The following TGM2 variants were observed in gnomAD, a reference collection of about 807,000 sequenced individuals.
TGM2 encodes transglutaminase 2.
A neutral mutation model predicts 75.6 loss-of-function variants in TGM2; 53 were observed. The ratio of observed to expected loss-of-function variants is 0.70; its 90% confidence interval spans 0.56 to 0.88. TGM2 has a LOEUF of 0.88. Ranked by LOEUF, TGM2 falls within the 40% of genes least tolerant of loss-of-function variation. The pLI, the probability that TGM2 is intolerant of heterozygous loss-of-function variation, is 0.00. For missense variants in TGM2, 842 were observed against 928.5 expected (o/e 0.91, Z 1.21); for synonymous variants, 374 against 381.1 (o/e 0.98, Z 0.22).
At chr20:38,143,564 G>C (rs2075004661) in intron 6 of TGM2, among the ~76,000 whole-genome samples, 1 of 152,216 alleles carries the variant, frequency 6.6e-6, no homozygotes, top group Non-Finnish European at 1.5e-5. Flanking sequence ...TCAGCTCAGA[G>C]AGGCGAGGAG....
At chr20:38,140,081 A>T (rs933558274) in intron 8 of TGM2, among the ~76,000 whole-genome samples, 3 of 152,276 alleles carry the variant, frequency 2.0e-5, no homozygotes, top group Non-Finnish European at 4.4e-5. Context: ...GCAACATGTT[A>T]GCAAGGAGGA....
At chr20:38,139,682 G>A (rs2074947361) in intron 8 of TGM2, 28 bp from the exon 9 acceptor site, 4 of 1,613,460 alleles carry the variant, frequency 2.5e-6, no homozygotes, top group African/African-American at 1.3e-5. Context: ...GGGAAGGGAT[G>A]GGCCTGGGTG....
intron 10 of TGM2, 42 bp downstream of exon 10, chr20:38,138,071 C>T: frequency 6.5e-7 from 1 of 1,546,884 alleles, no homozygotes; most frequent in Non-Finnish European, 8.7e-7. Context: ...AGCATGTTGT[C>T]AGTTGGCGGT....
chr20:38,157,931 T>C (rs2075207573), intron 2 of TGM2, among the ~76,000 whole-genome samples: 2 of 152,218 alleles, frequency 1.3e-5, no homozygotes, highest in Non-Finnish European at 2.9e-5. Flanking sequence ...GAGTGGAATG[T>C]AGAAATTGTC....
At chr20:38,143,757 C>T (rs576234288) in intron 6 of TGM2, among the ~76,000 whole-genome samples, 27 of 152,272 alleles carry the variant, frequency 1.8e-4, no homozygotes, top group Non-Finnish European at 2.6e-4. Flanking sequence ...CAAGATTAGG[C>T]GTAATAAGGT....
At chr20:38,165,855 A>C (rs188240244), upstream of TGM2, among the ~76,000 whole-genome samples, 6 of 152,168 alleles carry the variant, frequency 3.9e-5, no homozygotes, top group East Asian at 1.2e-3. Flanking sequence ...CATGGATACA[A>C]ATTCAGATTC....
Position 38,141,343 on chromosome 20 carries a change from G to T in TGM2, c.1038C>A (p.Asp346Glu), listed in dbSNP as rs796861892. The change falls in exon 8 of 13, where the codon GAC (aspartate) becomes GAA (glutamate). Residue 346 changes from aspartate (D) to glutamate (E), a missense_variant. Transcript: ENST00000361475. Reference protein sequence around the residue: ...CWVESWMTRPDLQPGYEGWQA... With the variant: ...CWVESWMTRPELQPGYEGWQA... Reference sequence around the variant, plus strand: ...GCCAGCCCTCGTACCCCGGCTGCAGGTCCGGCCTGGTCATCCACGACTCCA... The same window carrying T: ...GCCAGCCCTCGTACCCCGGCTGCAGTTCCGGCCTGGTCATCCACGACTCCA... 4 of 1,590,692 alleles carry T rather than the reference G, an allele frequency of 2.5e-6. No homozygotes were observed. The highest frequency in any genetic ancestry group is 2.6e-6 in the Non-Finnish European group (3 of 1,168,486).
At chr20:38,155,059 T>C (rs2075165881) in intron 3 of TGM2, among the ~76,000 whole-genome samples, 1 of 152,096 alleles carries the variant, frequency 6.6e-6, no homozygotes. Context: ...TGAGCTGAGA[T>C]TGTACCATTG....
At chr20:38,142,242 T>A in intron 6 of TGM2, 43 bp from the exon 7 acceptor site, 1 of 1,610,724 alleles carries the variant, frequency 6.2e-7, no homozygotes, top group Non-Finnish European at 8.5e-7. Flanking sequence ...CCTGGAGACA[T>A]CCGCCCTGCT....
At chr20:38,133,055 G>A in intron 10 of TGM2, 1 of 356,328 alleles carries the variant, frequency 2.8e-6, no homozygotes, top group Non-Finnish European at 5.6e-6. Flanking sequence ...TGAGAAAACT[G>A]AGTCTCCAGC....
At position 38,155,998 on chromosome 20, in the gene TGM2, G is replaced by A. The variant is rs2075181107; in HGVS notation, c.282C>T (p.Asp94=). ...GCAGCGAGAGGGTGCAGTCTTGCTG[G>A]TCCACCACGGTGGCTGTCCAGTCAC... ...EEGDWTATVV[D]QQDCTLSLQL... Residue 94 remains aspartate, a synonymous_variant, in exon 3 of 13, where the codon GAC becomes GAT. Coordinates refer to ENST00000361475, the MANE Select transcript of TGM2 (RefSeq NM_004613.4). 2 of 1,613,756 alleles carry A rather than the reference G, an allele frequency of 1.2e-6. No homozygotes were observed. Among genetic ancestry groups the A allele is most frequent in the Middle Eastern group, 1.7e-4 (1 of 6,056 alleles).
intron 1 of TGM2, among the ~76,000 whole-genome samples, chr20:38,162,681 A>G (rs1234489308): frequency 1.3e-5 from 2 of 152,210 alleles, no homozygotes; most frequent in African/African-American, 2.4e-5. Flanking sequence ...TGGTGATATC[A>G]AAGAATTTTT....
chr20:38,137,794 A>G (rs888993915), intron 10 of TGM2, among the ~76,000 whole-genome samples: 13 of 152,208 alleles, frequency 8.5e-5, no homozygotes, highest in African/African-American at 3.1e-4. Context: ...TCACACGAAG[A>G]TGAGGTGAAA....
chr20:38,165,839 C>T (rs1291481213), upstream of TGM2, among the ~76,000 whole-genome samples: 2 of 152,092 alleles, frequency 1.3e-5, no homozygotes, highest in East Asian at 1.9e-4. Context: ...CACGCAGACA[C>T]AGTGACATGG....
chr20:38,147,682 A>C (rs2075061853), intron 5 of TGM2, among the ~76,000 whole-genome samples: 1 of 151,964 alleles, frequency 6.6e-6, no homozygotes, highest in Non-Finnish European at 1.5e-5. Context: ...GCTAGAGATC[A>C]CACAGGACTT....
intron 10 of TGM2, among the ~76,000 whole-genome samples, chr20:38,135,252 C>T (rs1431950023): frequency 6.6e-6 from 1 of 152,230 alleles, no homozygotes; most frequent in East Asian, 1.9e-4. Flanking sequence ...CTAGGACAGA[C>T]ACTTTCTCCC....
intron 10 of TGM2, 110 bp from the exon 11 acceptor site, chr20:38,132,610 G>T: frequency 6.9e-7 from 1 of 1,445,108 alleles, no homozygotes; most frequent in Non-Finnish European, 9.6e-7. Context: ...GGGTCACACA[G>T]CGGGGGAATG....
intron 2 of TGM2, among the ~76,000 whole-genome samples, chr20:38,158,052 C>T (rs996567352): frequency 1.3e-5 from 2 of 152,136 alleles, no homozygotes; most frequent in Admixed American, 6.5e-5. Flanking sequence ...CGCCTGTGGT[C>T]CCATCATAAT....
At chr20:38,158,317 G>A (rs1043512998) in intron 2 of TGM2, among the ~76,000 whole-genome samples, 16 of 152,194 alleles carry the variant, frequency 1.1e-4, no homozygotes, top group Non-Finnish European at 1.9e-4. Flanking sequence ...TCCACCCGCT[G>A]CTCACGTAAG....
Sources: allele counts gnomAD v4.1 joint callset (sites outside exome capture counted in the v4.1 genomes callset), GRCh38; gene constraint gnomAD v4.1.1; transcripts MANE v1.5; gene names NCBI Gene and HGNC (gene_info 2026-07-23, HGNC 2026-07-21).